Variants in SERGEF observed in about 807,000 individuals in gnomAD.
SERGEF encodes the protein secretion-regulating guanine nucleotide exchange factor.
Under a neutral mutation model 50.0 loss-of-function variants are expected in SERGEF, and 51 were observed. The ratio of observed to expected loss-of-function variants is 1.02; its 90% CI spans 0.81 to 1.29. The LOEUF is 1.29. Among genes scored for constraint, SERGEF ranks in the 50% most tolerant of loss-of-function variants. SERGEF has a pLI of 0.00. For missense variants in SERGEF, 521 were observed against 557.0 expected (o/e 0.94, Z 0.65); for synonymous variants, 205 against 212.4 (o/e 0.97, Z 0.30).
At chr11:17,913,608 G>T (rs564557412) in intron 9 of SERGEF, among the ~76,000 whole-genome samples, 1 of 152,292 alleles carries the variant, frequency 6.6e-6, no homozygotes, top group East Asian at 1.9e-4. Context: ...GGATAAAACA[G>T]CCTATCATTT....
intron 9 of SERGEF, among the ~76,000 whole-genome samples, chr11:17,929,766 G>A (rs1463576443): frequency 1.3e-5 from 2 of 152,124 alleles, no homozygotes; most frequent in Non-Finnish European, 2.9e-5. Context: ...CTGTGTAAAT[G>A]TTTCCTCTTC....
chr11:17,976,514 C>G (rs927379218), intron 8 of SERGEF, among the ~76,000 whole-genome samples: 1 of 137,230 alleles, frequency 7.3e-6, no homozygotes, highest in Non-Finnish European at 1.5e-5. Flanking sequence ...ATTGGCCAGG[C>G]TGGTCTCAAA....
In SERGEF at chr11:17,957,029, T is replaced by C. The variant is rs1263838133; in HGVS notation, c.1011+2441A>G. ...GCTGGAGACAATTCCCAGACCCAAT[T>C]TACCAGAGAGTAATAGCCTGGAGTC... On this transcript the variant is annotated intron_variant, in intron 9 of 10. Transcript: ENST00000265965. Among the ~76,000 whole-genome samples, 4 of 152,264 alleles carry C rather than the reference T, an allele frequency of 2.6e-5. No homozygotes were observed. The East Asian group carries it at 7.7e-4, about 29-fold the overall frequency.
At chr11:17,791,287 T>C (rs1435774158) in intron 10 of SERGEF, among the ~76,000 whole-genome samples, 2 of 152,228 alleles carry the variant, frequency 1.3e-5, no homozygotes, top group African/African-American at 4.8e-5. Context: ...ATTCTTAGAA[T>C]GGGAATTCCT....
intron 4 of SERGEF, chr11:18,000,786 G>T: frequency 1.5e-6 from 1 of 664,206 alleles, no homozygotes. Context: ...ACAACTCTCA[G>T]GGCTGGGAGG....
chr11:17,993,979 C>T (rs1853774732), intron 6 of SERGEF, among the ~76,000 whole-genome samples: 1 of 152,204 alleles, frequency 6.6e-6, no homozygotes, highest in Non-Finnish European at 1.5e-5. Flanking sequence ...AGATGCCAAA[C>T]AGGTTGTTTA....
intron 9 of SERGEF, among the ~76,000 whole-genome samples, chr11:17,929,291 A>C (rs921533440): frequency 6.6e-6 from 1 of 152,154 alleles, no homozygotes; most frequent in Non-Finnish European, 1.5e-5. Context: ...CAGAGGAAAA[A>C]ATCAAATCAC....
At chr11:17,794,438 C>T (rs1420041589) in intron 10 of SERGEF, among the ~76,000 whole-genome samples, 2 of 152,260 alleles carry the variant, frequency 1.3e-5, no homozygotes, top group East Asian at 3.9e-4. Flanking sequence ...CTACTACGTC[C>T]ATTTTACAGA....
chr11:17,884,451 C>G lies in SERGEF; in HGVS notation c.1012-6207G>C, dbSNP rs1029644243. On this transcript the variant is annotated intron_variant, in intron 9 of 10. Coordinates refer to ENST00000265965, the MANE Select transcript of SERGEF (RefSeq NM_012139.4). This position sits in a 1 kb window ranked among gnomAD's most constrained non-coding sequence, Gnocchi z 4.6. Reference sequence around the variant, plus strand: ...GCCTTTGCTAGAGCTCTGCCCAAACCCGGTTTCCATCCGTGTATCTCTGGG... The same window carrying G: ...GCCTTTGCTAGAGCTCTGCCCAAACGCGGTTTCCATCCGTGTATCTCTGGG... 1.3e-5 allele frequency among the ~76,000 whole-genome samples: 2 copies of G among 152,274 alleles called. 1 individual carries two copies. The highest frequency in any genetic ancestry group is 4.2e-4 in the South Asian group (2 of 4,816).
intron 10 of SERGEF, among the ~76,000 whole-genome samples, chr11:17,857,897 G>A (rs947775017): frequency 6.6e-6 from 1 of 152,018 alleles, no homozygotes; most frequent in Non-Finnish European, 1.5e-5. Context: ...AACTGTAAAG[G>A]AACAAAGAAA....
intron 10 of SERGEF, among the ~76,000 whole-genome samples, chr11:17,870,409 G>C (rs182170587): frequency 6.6e-6 from 1 of 152,172 alleles, no homozygotes; most frequent in Non-Finnish European, 1.5e-5. Context: ...GACTTGAAAA[G>C]CTATGGCTGG....
chr11:17,810,547 C>G (rs1161123056), intron 10 of SERGEF, among the ~76,000 whole-genome samples: 2 of 152,206 alleles, frequency 1.3e-5, no homozygotes, highest in Admixed American at 1.3e-4. Flanking sequence ...CTGGAGAAGA[C>G]AGAATAAGGG....
chr11:17,895,082 T>A (rs976682114), intron 9 of SERGEF, among the ~76,000 whole-genome samples: 7 of 152,194 alleles, frequency 4.6e-5, no homozygotes, highest in African/African-American at 1.7e-4. Flanking sequence ...CCAAGAATCT[T>A]TGCCTTTGCT....
chr11:17,891,009 A>G (rs1012052487), intron 9 of SERGEF, among the ~76,000 whole-genome samples: 1 of 152,230 alleles, frequency 6.6e-6, no homozygotes, highest in African/African-American at 2.4e-5. Flanking sequence ...TGAAGCTCTT[A>G]CCTAGAGGCA....
intron 10 of SERGEF, among the ~76,000 whole-genome samples, chr11:17,796,401 G>A (rs989662732): frequency 5.3e-5 from 8 of 152,230 alleles, no homozygotes; most frequent in African/African-American, 1.9e-4. Flanking sequence ...ACAGTGTTGA[G>A]AAGCGGGACC....
chr11:17,921,969 A>G (rs1852165057), intron 9 of SERGEF, among the ~76,000 whole-genome samples: 1 of 152,162 alleles, frequency 6.6e-6, no homozygotes, highest in Non-Finnish European at 1.5e-5. Context: ...CTTGTAGCCC[A>G]CTTTCCCTAG....
At position 18,006,710 on chromosome 11, in the gene SERGEF, T is replaced by A; in HGVS notation, c.233A>T (p.Asp78Val). ...GDLFVCGLNK[D>V]GQLGLGHTED... is the part of the protein sequence containing the mutation. ...TGTGTGACCAAGCCCCAGTTGCCCA[T>A]CTTTGTTCAGGCCACAAACAAAGAG... Residue 78 changes from aspartate to valine, a missense_variant, in exon 3 of 11, where the codon GAT becomes GTT. Coordinates refer to ENST00000265965, the MANE Select transcript of SERGEF (RefSeq NM_012139.4). 6.2e-7 allele frequency: 1 copy of A among 1,614,180 alleles called. No individual in the cohort carries two copies. The highest frequency in any genetic ancestry group is 8.5e-7 in the Non-Finnish European group (1 of 1,180,014).
At chr11:17,879,678 A>C (rs956512557) in intron 9 of SERGEF, among the ~76,000 whole-genome samples, 1 of 152,194 alleles carries the variant, frequency 6.6e-6, no homozygotes, top group Non-Finnish European at 1.5e-5. Context: ...ATTATATATG[A>C]CTACAGTTAA....
At position 18,013,002 on chromosome 11, in the gene SERGEF, G is replaced by T. The variant is rs1473618609; in HGVS notation, c.9C>A (p.Arg3=). The change falls in exon 1 of 11, where the codon CGC becomes CGA. Residue 3 remains arginine, a synonymous_variant. Transcript: ENST00000265965. The surrounding 1 kb of genome is among the most constrained non-coding windows in gnomAD (Gnocchi z 4.3). Reference sequence around the variant, plus strand: ...GGGCGGCCTCCGAGGCGCTGGGCTCGCGCTCCATGCGAGGACGCTCCGCCG... The same window carrying T: ...GGGCGGCCTCCGAGGCGCTGGGCTCTCGCTCCATGCGAGGACGCTCCGCCG... ME[R]EPSASEAAPA... 3 of 1,429,782 alleles carry T rather than the reference G, an allele frequency of 2.1e-6. No homozygotes were observed. Among genetic ancestry groups the T allele is most frequent in the Non-Finnish European group, 2.7e-6 (3 of 1,102,968 alleles). 88.6% of individuals were successfully genotyped at this position (1,429,782 alleles called of 1,614,324 possible). A position where few individuals can be genotyped will look rare whatever the true frequency, so the allele number is the denominator to read the frequency against.
Sources: allele counts gnomAD v4.1 joint callset (sites outside exome capture counted in the v4.1 genomes callset), GRCh38; gene constraint gnomAD v4.1.1; non-coding constraint Gnocchi (gnomAD v3.1); transcripts MANE v1.5; gene names NCBI Gene and HGNC (gene_info 2026-07-23, HGNC 2026-07-21).